GALNT11: variants seen among roughly 807,000 people sequenced by gnomAD.
GALNT11 encodes UDP-GalNAc:polypeptide N-acetylgalactosaminyltransferase 11.
A neutral mutation model predicts 72.7 loss-of-function variants in GALNT11; 47 were observed. The ratio of observed to expected loss-of-function variants is 0.65; its 90% CI spans 0.51 to 0.82. GALNT11 has a LOEUF of 0.82. Among genes scored for constraint, GALNT11 ranks in the 40% least tolerant of loss-of-function variants. The probability of loss-of-function intolerance (pLI) is 0.00; values close to 1 mark genes in which losing one functional copy is unlikely to be tolerated. For missense variants in GALNT11, 677 were observed against 778.4 expected (o/e 0.87, Z 1.55); for synonymous variants, 270 against 286.6 (o/e 0.94, Z 0.58).
intron 1 of GALNT11, among the ~76,000 whole-genome samples, chr7:152,054,636 T>C (rs575109362): frequency 1.3e-5 from 2 of 151,880 alleles, no homozygotes; most frequent in Admixed American, 6.6e-5. Flanking sequence ...TGCAGTCCGC[T>C]GAGTAGCTGG....
chr7:152,114,574 T>C (rs996578282), intron 8 of GALNT11, among the ~76,000 whole-genome samples: 2 of 152,242 alleles, frequency 1.3e-5, no homozygotes, highest in Admixed American at 6.5e-5. Context: ...TTTTTTTTTT[T>C]TTTGAGACAG....
At chr7:152,044,089 A>G (rs1197387809) in intron 1 of GALNT11, among the ~76,000 whole-genome samples, 1 of 152,178 alleles carries the variant, frequency 6.6e-6, no homozygotes, top group Non-Finnish European at 1.5e-5. Flanking sequence ...CAGTGGTGCT[A>G]GAGGAATTAA....
At chr7:152,109,520 G>A (rs899016893) in intron 6 of GALNT11, among the ~76,000 whole-genome samples, 15 of 152,194 alleles carry the variant, frequency 9.9e-5, no homozygotes, top group African/African-American at 3.4e-4. Flanking sequence ...ATTTGCTGCC[G>A]AATTCTGCCT....
chr7:152,053,542 C>T (rs1256168592), intron 1 of GALNT11, among the ~76,000 whole-genome samples: 1 of 152,204 alleles, frequency 6.6e-6, no homozygotes, highest in Non-Finnish European at 1.5e-5. Flanking sequence ...TTGCTTATAT[C>T]TTTATTGTAG....
At chr7:152,100,165 T>C (rs1187353002) in intron 2 of GALNT11, among the ~76,000 whole-genome samples, 2 of 152,070 alleles carry the variant, frequency 1.3e-5, no homozygotes, top group African/African-American at 4.8e-5. Context: ...TTGAGGCCTG[T>C]CAAGGGCCAC....
intron 1 of GALNT11, among the ~76,000 whole-genome samples, chr7:152,076,314 T>A (rs1023338177): frequency 1.3e-5 from 2 of 152,164 alleles, no homozygotes; most frequent in African/African-American, 4.8e-5. Flanking sequence ...AAACCTGAAT[T>A]GATTGGTTTT....
chr7:152,064,863 T>G (rs922746046), intron 1 of GALNT11, among the ~76,000 whole-genome samples: 18 of 152,230 alleles, frequency 1.2e-4, no homozygotes, highest in African/African-American at 4.3e-4. Flanking sequence ...TAACTCGACC[T>G]TTGTCTCTGG....
At chr7:152,118,621 C>A in intron 9 of GALNT11, 57 bp from the exon 10 acceptor site, 2 of 1,518,306 alleles carry the variant, frequency 1.3e-6, no homozygotes, top group Non-Finnish European at 1.8e-6. Flanking sequence ...CACCTCCAGG[C>A]TTGGGAGGCG....
At chr7:152,095,948 A>G (rs887722561) in intron 2 of GALNT11, among the ~76,000 whole-genome samples, 1 of 152,214 alleles carries the variant, frequency 6.6e-6, no homozygotes, top group Non-Finnish European at 1.5e-5. Flanking sequence ...TCAACAGGCA[A>G]AAACCAGTTG....
intron 1 of GALNT11, among the ~76,000 whole-genome samples, chr7:152,031,808 T>G (rs1434212148): frequency 6.6e-6 from 1 of 152,204 alleles, no homozygotes; most frequent in Admixed American, 6.5e-5. Flanking sequence ...CTGGTTCCCA[T>G]TCTACTAGAT....
chr7:152,086,338 C>G (rs903577521), intron 1 of GALNT11, among the ~76,000 whole-genome samples: 1 of 152,194 alleles, frequency 6.6e-6, no homozygotes, highest in South Asian at 2.1e-4. Flanking sequence ...ACTTCTTGAC[C>G]TATCCGAAAA....
chr7:152,115,615 C>T (rs974806020), intron 8 of GALNT11, among the ~76,000 whole-genome samples: 5 of 152,162 alleles, frequency 3.3e-5, no homozygotes, highest in African/African-American at 9.7e-5. Context: ...CATAGTTACT[C>T]GTATTTGGGT....
chr7:152,114,660 G>C (rs1162418634), intron 8 of GALNT11, among the ~76,000 whole-genome samples: 1 of 151,662 alleles, frequency 6.6e-6, no homozygotes, highest in Admixed American at 6.6e-5. Context: ...TCCTGGGTTC[G>C]AGTGATTCTC....
chr7:152,118,867 A>G (rs936326552), intron 10 of GALNT11, 85 bp downstream of exon 10: 2 of 1,034,424 alleles, frequency 1.9e-6, no homozygotes, highest in Non-Finnish European at 2.8e-6. Flanking sequence ...TCCTGAGGAC[A>G]TCAGTGTCTA....
chr7:152,036,863 TG>T (rs776796038), intron 1 of GALNT11, among the ~76,000 whole-genome samples: 1 of 152,246 alleles, frequency 6.6e-6, no homozygotes, highest in Non-Finnish European at 1.5e-5. Context: ...TTCATACACC[TG>T]TTTGCTATTT....
intron 1 of GALNT11, among the ~76,000 whole-genome samples, chr7:152,075,875 C>T (rs1358459420): frequency 1.3e-5 from 2 of 150,684 alleles, no homozygotes; most frequent in African/African-American, 4.9e-5. Flanking sequence ...TCCTGGCTAA[C>T]ACACTGAAAC....
At chr7:152,054,498 C>CT (rs2083556165) in intron 1 of GALNT11, among the ~76,000 whole-genome samples, 1 of 86,554 alleles carries the variant, frequency 1.2e-5, no homozygotes. Context: ...GAATTTTTTT[C>CT]TTGTCTTTTT....
intron 1 of GALNT11, among the ~76,000 whole-genome samples, chr7:152,051,575 A>T (rs1444838845): frequency 6.6e-6 from 1 of 152,088 alleles, no homozygotes; most frequent in Non-Finnish European, 1.5e-5. Flanking sequence ...TGGTATTGTA[A>T]TTTGGAATAT....
At chr7:152,095,636 A>G (rs1242540284) in intron 2 of GALNT11, among the ~76,000 whole-genome samples, 1 of 152,186 alleles carries the variant, frequency 6.6e-6, no homozygotes, top group African/African-American at 2.4e-5. Flanking sequence ...ATAAAGTACA[A>G]TTTTCATAAA....
Sources: allele counts gnomAD v4.1 joint callset (sites outside exome capture counted in the v4.1 genomes callset), GRCh38; gene constraint gnomAD v4.1.1; transcripts MANE v1.5; gene names NCBI Gene and HGNC (gene_info 2026-07-23, HGNC 2026-07-21).